The following NRXN1 variants were observed in gnomAD, a reference collection of about 807,000 sequenced individuals.
The protein encoded by NRXN1 is neurexin 1, also known as neurexin-1.
Under a neutral mutation model 150.9 loss-of-function variants are expected in NRXN1, and 39 were observed. That is an observed-to-expected ratio of 0.26 (90% CI 0.20 to 0.34). The LOEUF is 0.34. Ranked by LOEUF, NRXN1 falls within the 10% of genes least tolerant of loss-of-function variation. NRXN1 has a pLI of 1.00. For synonymous variants in NRXN1, 924 were observed against 757.0 expected (o/e 1.22, Z -3.62); for missense variants, 1,815 against 1,949.9 (o/e 0.93, Z 1.30).
chr2:50,463,381 C>G (rs181560490), intron 17 of NRXN1, among the ~76,000 whole-genome samples: 1 of 151,902 alleles, frequency 6.6e-6, no homozygotes, highest in East Asian at 1.9e-4. Context: ...GAAACTCCAA[C>G]GTATAAGCCA....
At chr2:50,129,118 C>T (rs974974204) in intron 18 of NRXN1, among the ~76,000 whole-genome samples, 5 of 152,082 alleles carry the variant, frequency 3.3e-5, no homozygotes, top group Non-Finnish European at 7.4e-5. Context: ...TTAGCTGATG[C>T]CACAGAAAGC....
At chr2:50,650,046 A>G (rs1685384001) in intron 5 of NRXN1, among the ~76,000 whole-genome samples, 1 of 152,008 alleles carries the variant, frequency 6.6e-6, no homozygotes, top group Admixed American at 6.6e-5. Context: ...TTCCAATTCA[A>G]AATGCTCTTA....
intron 5 of NRXN1, among the ~76,000 whole-genome samples, chr2:50,810,498 T>A (rs531436167): frequency 1.2e-4 from 18 of 152,270 alleles, no homozygotes; most frequent in Middle Eastern, 6.8e-3. Context: ...AACATTTTAC[T>A]CCCAGAAATT....
rs151089457 is a variant in NRXN1 at position 50,959,173 on chromosome 2, T to C, written c.773-33218A>G. On this transcript the variant is annotated intron_variant, in intron 2 of 22. Coordinates refer to ENST00000401669, the MANE Select transcript of NRXN1 (RefSeq NM_001330078.2). ...ACACTGCTGATAAAAATGTAAATGA[T>C]GCAACCCCTTTGGAAAGCAGTCTGG... is the stretch of plus-strand genomic sequence containing the variant. Among the ~76,000 whole-genome samples, 431 of 152,226 alleles carry C rather than the reference T, an allele frequency of 2.8e-3. 2 individuals are homozygous for C. Among genetic ancestry groups the C allele is most frequent in the African/African-American group, 9.6e-3 (399 of 41,568 alleles).
chr2:50,497,311 T>C, intron 14 of NRXN1, 22 bp downstream of exon 14: 1 of 1,440,680 alleles, frequency 6.9e-7, no homozygotes, highest in Non-Finnish European at 9.1e-7. Context: ...ATTTATTTGC[T>C]ATTGAACAGG....
intron 18 of NRXN1, among the ~76,000 whole-genome samples, chr2:50,151,161 C>A (rs1448814878): frequency 2.0e-5 from 3 of 151,686 alleles, no homozygotes; most frequent in Non-Finnish European, 4.4e-5. Flanking sequence ...CTGACAGTGC[C>A]TGAATCCCGA....
At chr2:50,169,569 T>C (rs2059898700) in intron 18 of NRXN1, among the ~76,000 whole-genome samples, 1 of 151,818 alleles carries the variant, frequency 6.6e-6, no homozygotes, top group Non-Finnish European at 1.5e-5. Flanking sequence ...GAAAATTAGC[T>C]GGTCATGGTA....
chr2:50,171,236 AGTGTGT>A (rs10666950), intron 18 of NRXN1, among the ~76,000 whole-genome samples: 2 of 148,960 alleles, frequency 1.3e-5, no homozygotes, highest in East Asian at 2.0e-4. Flanking sequence ...TCAAGACTCA[AGTGTGT>A]GTGTGTGTGT....
chr2:50,393,328 T>C (rs2081860222), intron 17 of NRXN1, among the ~76,000 whole-genome samples: 1 of 152,154 alleles, frequency 6.6e-6, no homozygotes, highest in South Asian at 2.1e-4. Flanking sequence ...AGTGCATTTC[T>C]CACGGTACCT....
chr2:50,673,740 C>G (rs1010661061), intron 5 of NRXN1, among the ~76,000 whole-genome samples: 14 of 152,108 alleles, frequency 9.2e-5, no homozygotes, highest in Admixed American at 6.6e-5. Flanking sequence ...AGCCATTCAG[C>G]ACTGATTAAA....
At chr2:50,503,495 T>G (rs1251834033) in intron 13 of NRXN1, among the ~76,000 whole-genome samples, 5 of 141,618 alleles carry the variant, frequency 3.5e-5, no homozygotes, top group Non-Finnish European at 7.7e-5. Context: ...AACATAGCAA[T>G]AGTGGGTCTA....
intron 5 of NRXN1, among the ~76,000 whole-genome samples, chr2:50,678,654 T>A (rs1559112899): frequency 6.6e-6 from 1 of 152,146 alleles, no homozygotes; most frequent in Non-Finnish European, 1.5e-5. Flanking sequence ...TTCAATCACA[T>A]ATGATCATGT....
intron 2 of NRXN1, among the ~76,000 whole-genome samples, chr2:51,006,227 G>A (rs1700702306): frequency 6.6e-6 from 1 of 151,730 alleles, no homozygotes. Context: ...AAAAAATGAT[G>A]AGTTCATGTC....
intron 2 of NRXN1, among the ~76,000 whole-genome samples, chr2:50,929,696 G>T (rs192808654): frequency 3.3e-5 from 5 of 152,064 alleles, no homozygotes; most frequent in African/African-American, 1.2e-4. Context: ...TCCATACAGG[G>T]AGTGTGCTAA....
At chr2:50,323,519 G>A (rs1275374303) in intron 17 of NRXN1, among the ~76,000 whole-genome samples, 1 of 151,668 alleles carries the variant, frequency 6.6e-6, no homozygotes, top group Non-Finnish European at 1.5e-5. Context: ...ATGTTTGGAG[G>A]AGAACCAAAT....
At chr2:50,828,309 G>C (rs1289506523) in intron 5 of NRXN1, among the ~76,000 whole-genome samples, 2 of 444 alleles carry the variant, frequency 4.5e-3, no homozygotes. Context: ...GGGGCGGCTG[G>C]CCGGGAGGGG....
At chr2:50,705,632 C>T (rs755480472) in intron 5 of NRXN1, among the ~76,000 whole-genome samples, 1 of 152,158 alleles carries the variant, frequency 6.6e-6, no homozygotes, top group Admixed American at 6.6e-5. Context: ...CAATGTTTTT[C>T]TTGAATAATT....
intron 5 of NRXN1, among the ~76,000 whole-genome samples, chr2:50,739,938 A>T (rs1315144744): frequency 6.6e-6 from 1 of 152,202 alleles, no homozygotes; most frequent in Non-Finnish European, 1.5e-5. Context: ...TCTGTGATTT[A>T]AAAAAATCAA....
intron 5 of NRXN1, among the ~76,000 whole-genome samples, chr2:50,682,647 T>A (rs1278731679): frequency 6.6e-6 from 1 of 152,114 alleles, no homozygotes; most frequent in Non-Finnish European, 1.5e-5. Context: ...AATATTGTCC[T>A]CATTATCAGA....
Sources: allele counts gnomAD v4.1 joint callset (sites outside exome capture counted in the v4.1 genomes callset), GRCh38; gene constraint gnomAD v4.1.1; transcripts MANE v1.5; gene names NCBI Gene and HGNC (gene_info 2026-07-23, HGNC 2026-07-21).